Variants in SLC23A2 observed in about 807,000 individuals in gnomAD.
The protein encoded by SLC23A2 is solute carrier family 23 member 2.
In SLC23A2, 36 loss-of-function variants were observed where a neutral mutation model predicts 73.3. That is an observed-to-expected ratio of 0.49 (90% CI 0.38 to 0.65). SLC23A2 has a LOEUF of 0.65. Among genes scored for constraint, SLC23A2 ranks in the 30% least tolerant of loss-of-function variants. The probability of loss-of-function intolerance (pLI) is 0.00; values close to 1 mark genes in which losing one functional copy is unlikely to be tolerated. For missense variants in SLC23A2, 507 were observed against 841.6 expected, an observed-to-expected ratio of 0.60 and a Z score of 4.92; for synonymous variants, 343 against 327.3, an observed-to-expected ratio of 1.05 and a Z score of -0.52.
At chr20:4,896,438 C>G (rs921296813) in intron 6 of SLC23A2, among the ~76,000 whole-genome samples, 1 of 152,136 alleles carries the variant, frequency 6.6e-6, no homozygotes, top group African/African-American at 2.4e-5. Flanking sequence ...CCCCCCTCAG[C>G]CTGGGAGGCC....
intron 2 of SLC23A2, among the ~76,000 whole-genome samples, chr20:4,951,398 T>C (rs1421258391): frequency 6.6e-6 from 1 of 152,054 alleles, no homozygotes; most frequent in Non-Finnish European, 1.5e-5. Context: ...TGAGAAACTC[T>C]GAGAGACAAG....
chr20:4,885,794 G>A (rs1345689486), intron 7 of SLC23A2, 27 bp downstream of exon 7: 2 of 1,494,966 alleles, frequency 1.3e-6, no homozygotes, highest in South Asian at 1.1e-5. Flanking sequence ...GGACCCCAAT[G>A]ACATATGTGG....
Position 4,987,577 on chromosome 20 carries a change from G to A in SLC23A2, c.-282+13829C>T, listed in dbSNP as rs183689088. Among the ~76,000 whole-genome samples the A allele has an allele frequency of 4.2e-4, 64 of 152,264 alleles. No individual in the cohort carries two copies. The East Asian group carries it at 0.011, about 26-fold the overall frequency. Reference sequence around the variant, plus strand: ...AAAAAAACACTATGTGGCCGGGCGCGGTGGCTCACGCCTATAATCTCAGCA... The same window carrying A: ...AAAAAAACACTATGTGGCCGGGCGCAGTGGCTCACGCCTATAATCTCAGCA... On this transcript the variant is annotated intron_variant, in intron 1 of 16. Transcript: ENST00000338244.
At chr20:4,950,617 G>C (rs949107463) in intron 2 of SLC23A2, among the ~76,000 whole-genome samples, 3 of 152,106 alleles carry the variant, frequency 2.0e-5, no homozygotes, top group African/African-American at 7.2e-5. Context: ...TCCCAGTCCT[G>C]ACTCCAAGCC....
chr20:4,912,010 CTTT>C (rs11353402), intron 4 of SLC23A2, among the ~76,000 whole-genome samples: 10 of 136,532 alleles, frequency 7.3e-5, no homozygotes, highest in African/African-American at 8.1e-5. Context: ...ATAATTATTT[CTTT>C]TTTTTTTTTT....
rs1326443923 is a variant in SLC23A2, at chr20:4,872,992, G to A, written c.1102+944C>T. ...TGGTCTTGAACTCCTGACCTCGGGT[G>A]ATCCTCCTGCCTCGGCCTCCCCAAA... On this transcript the variant is annotated intron_variant, in intron 11 of 16. Coordinates refer to ENST00000338244, the MANE Select transcript of SLC23A2 (RefSeq NM_005116.6). The surrounding 1 kb of genome is among the most constrained non-coding windows in gnomAD (Gnocchi z 4.4). Among the ~76,000 whole-genome samples, 1 of 152,182 alleles carries A rather than the reference G, an allele frequency of 6.6e-6. No homozygotes were observed. Among genetic ancestry groups the A allele is most frequent in the Non-Finnish European group, 1.5e-5 (1 of 68,040 alleles).
chr20:4,932,891 C>T (rs1023968090), intron 2 of SLC23A2, among the ~76,000 whole-genome samples, 175 bp from the exon 3 acceptor site: 1 of 152,146 alleles, frequency 6.6e-6, no homozygotes, highest in African/African-American at 2.4e-5. Flanking sequence ...TATTTATAGT[C>T]ACCTACTGAT....
At chr20:4,894,903 T>C (rs944830998) in intron 6 of SLC23A2, among the ~76,000 whole-genome samples, 1 of 152,104 alleles carries the variant, frequency 6.6e-6, no homozygotes, top group South Asian at 2.1e-4. Flanking sequence ...CCATGTGAAA[T>C]GAGGGGGACG....
chr20:4,991,165 T>C lies in SLC23A2; in HGVS notation c.-282+10241A>G, dbSNP rs1051447205. 4.2e-4 allele frequency among the ~76,000 whole-genome samples: 64 copies of C among 152,148 alleles called. 1 individual carries two copies. Among genetic ancestry groups the C allele is most frequent in the Non-Finnish European group, 1.9e-4 (13 of 68,012 alleles). ...CTCTATTGCCCAGGCTGGAGTGCGG[T>C]GGCACCATCACAACTCACTGCAGCC... On this transcript the variant is annotated intron_variant, in intron 1 of 16. Transcript: ENST00000338244.
intron 12 of SLC23A2, chr20:4,869,604 T>G: frequency 3.3e-6 from 1 of 303,340 alleles, no homozygotes; most frequent in East Asian, 6.6e-5. Flanking sequence ...GCATGTGGTT[T>G]TTGAATTTAA....
chr20:4,990,815 T>C lies in SLC23A2; in HGVS notation c.-282+10591A>G, dbSNP rs375953082. Among the ~76,000 whole-genome samples, 15 of 149,664 alleles carry C rather than the reference T, an allele frequency of 1.0e-4. No homozygotes were observed. The East Asian group carries it at 1.2e-3, about 12-fold the overall frequency. ...CTGACCAACATGGTGAAACCCTGTCTTTACTAAAAACACAAAAGTGGCCAG... is the reference window on the plus strand; with the variant it reads ...CTGACCAACATGGTGAAACCCTGTCCTTACTAAAAACACAAAAGTGGCCAG... On this transcript the variant is annotated intron_variant, in intron 1 of 16. Coordinates refer to ENST00000338244, the MANE Select transcript of SLC23A2 (RefSeq NM_005116.6).
chr20:4,934,584 A>T (rs1412543734), intron 2 of SLC23A2, among the ~76,000 whole-genome samples: 1 of 152,152 alleles, frequency 6.6e-6, no homozygotes, highest in African/African-American at 2.4e-5. Flanking sequence ...TTTTCTGGCC[A>T]GGTGTGGTAG....
chr20:4,873,120 T>A (rs1410266429), intron 11 of SLC23A2, among the ~76,000 whole-genome samples: 5 of 152,232 alleles, frequency 3.3e-5, no homozygotes, highest in Non-Finnish European at 2.9e-5. Flanking sequence ...CCAACACTCA[T>A]CATTCAACAT....
chr20:4,893,869 G>A (rs1311681399), intron 6 of SLC23A2, among the ~76,000 whole-genome samples: 1 of 152,160 alleles, frequency 6.6e-6, no homozygotes, highest in Non-Finnish European at 1.5e-5. Context: ...GGCTGAGGGT[G>A]GCCCCACAGA....
At chr20:4,893,562 T>C (rs78152091) in intron 6 of SLC23A2, among the ~76,000 whole-genome samples, 3,016 of 152,254 alleles carry the variant, frequency 0.02, 110 homozygotes, top group African/African-American at 0.068. Context: ...AGCCACCCCT[T>C]GTACTCAATG....
chr20:4,876,845 T>C (rs1419742279), intron 9 of SLC23A2, among the ~76,000 whole-genome samples: 1 of 152,218 alleles, frequency 6.6e-6, no homozygotes, highest in Admixed American at 6.5e-5. Flanking sequence ...GGAAGACAGA[T>C]TGTCATCTTC....
intron 11 of SLC23A2, 182 bp downstream of exon 11, chr20:4,873,754 T>C: frequency 1.8e-6 from 1 of 543,552 alleles, no homozygotes; most frequent in Non-Finnish European, 3.2e-6. Context: ...TCAGTCTCTG[T>C]GTGTTGGTTT....
intron 3 of SLC23A2, among the ~76,000 whole-genome samples, chr20:4,914,626 T>C (rs1932264278): frequency 1.3e-5 from 2 of 152,198 alleles, no homozygotes; most frequent in Admixed American, 1.3e-4. Context: ...AATATATATA[T>C]TCAAGGTTGA....
At chr20:4,979,430 C>G (rs780156312) in intron 1 of SLC23A2, among the ~76,000 whole-genome samples, 1 of 152,052 alleles carries the variant, frequency 6.6e-6, no homozygotes. Context: ...ATGGGGCCAG[C>G]ATGGTGGCTC....
Sources: gnomAD v4.1 joint callset for allele counts (sites outside exome capture counted in the v4.1 genomes callset) on GRCh38, gnomAD v4.1.1 for gene constraint, Gnocchi (gnomAD v3.1) non-coding constraint, MANE v1.5 for transcripts, NCBI Gene and HGNC (gene_info 2026-07-23, HGNC 2026-07-21) for gene names.